DAB1: variants seen among roughly 807,000 people sequenced by gnomAD.
DAB1 encodes disabled homolog 1.
A neutral mutation model predicts 64.6 loss-of-function variants in DAB1; 15 were observed. The ratio of observed to expected loss-of-function variants is 0.23; its 90% CI spans 0.16 to 0.36. The LOEUF is 0.36. Ranked by LOEUF, DAB1 falls within the 10% of genes least tolerant of loss-of-function variation. The pLI, the probability that DAB1 is intolerant of heterozygous loss-of-function variation, is 1.00. For missense variants in DAB1, 596 were observed against 706.7 expected, an observed-to-expected ratio of 0.84 and a Z score of 1.78; for synonymous variants, 235 against 251.9, an observed-to-expected ratio of 0.93 and a Z score of 0.64.
intron 5 of DAB1, among the ~76,000 whole-genome samples, chr1:58,126,077 T>C (rs1181718229): frequency 6.6e-6 from 1 of 152,140 alleles, no homozygotes; most frequent in East Asian, 1.9e-4. Context: ...TCTGTCTCTA[T>C]GAAAAAGAGC....
At chr1:57,268,847 A>C (rs1253646527) in intron 2 of DAB1, among the ~76,000 whole-genome samples, 12 of 152,352 alleles carry the variant, frequency 7.9e-5, no homozygotes, top group Admixed American at 7.2e-4. Context: ...TATTCACAGA[A>C]TTTAATGTAA....
chr1:58,025,651 GTATA>G (rs763787466), intron 5 of DAB1, among the ~76,000 whole-genome samples: 2,726 of 75,214 alleles, frequency 0.036, 66 homozygotes, highest in African/African-American at 0.084. Context: ...ATATATGTGT[GTATA>G]TATATATATA....
At chr1:58,199,193 A>G (rs1318269617) in intron 4 of DAB1, among the ~76,000 whole-genome samples, 1 of 152,202 alleles carries the variant, frequency 6.6e-6, no homozygotes, top group African/African-American at 2.4e-5. Context: ...GCAGCCTCAA[A>G]AACAGGTGAG....
chr1:58,031,961 T>G (rs1243172216), intron 5 of DAB1, among the ~76,000 whole-genome samples: 1 of 151,508 alleles, frequency 6.6e-6, no homozygotes, highest in African/African-American at 2.4e-5. Flanking sequence ...TTGCTCCATT[T>G]TATCACAGCT....
At chr1:57,327,551 C>T (rs1409168438) in intron 1 of DAB1, among the ~76,000 whole-genome samples, 1 of 152,056 alleles carries the variant, frequency 6.6e-6, no homozygotes, top group African/African-American at 2.4e-5. Flanking sequence ...ACCAATCACC[C>T]CAAAATGGTT....
intron 3 of DAB1, among the ~76,000 whole-genome samples, chr1:58,348,050 G>T (rs1644018182): frequency 6.6e-6 from 1 of 152,136 alleles, no homozygotes; most frequent in Non-Finnish European, 1.5e-5. Flanking sequence ...TCTGGAAGAG[G>T]TAGTGGCTTC....
intron 7 of DAB1, among the ~76,000 whole-genome samples, chr1:57,587,848 C>T (rs184563310): frequency 6.6e-6 from 1 of 152,312 alleles, no homozygotes. Flanking sequence ...TAGGAGTTGG[C>T]TCATGCTGTG....
chr1:57,990,386 A>G (rs1249008561), intron 5 of DAB1, among the ~76,000 whole-genome samples: 1 of 152,184 alleles, frequency 6.6e-6, no homozygotes, highest in East Asian at 1.9e-4. Context: ...ACAAAGCCCA[A>G]CTTGATTTAA....
At chr1:58,275,129 T>TA (rs1399802201) in intron 4 of DAB1, among the ~76,000 whole-genome samples, 2 of 152,152 alleles carry the variant, frequency 1.3e-5, no homozygotes, top group African/African-American at 4.8e-5. Flanking sequence ...GATGTCCACA[T>TA]ATAAAAAAAT....
At chr1:58,447,308 T>C (rs1277790723) in intron 3 of DAB1, among the ~76,000 whole-genome samples, 2 of 152,200 alleles carry the variant, frequency 1.3e-5, no homozygotes, top group African/African-American at 4.8e-5. Context: ...TTTAAAGTTG[T>C]TTTGAAACAC....
At chr1:57,384,154 C>T (rs1392307405) in intron 1 of DAB1, among the ~76,000 whole-genome samples, 1 of 152,108 alleles carries the variant, frequency 6.6e-6, no homozygotes, top group African/African-American at 2.4e-5. Context: ...CCCAACATCA[C>T]CAATCATTAG....
intron 7 of DAB1, among the ~76,000 whole-genome samples, chr1:57,531,839 C>A (rs1167318170): frequency 1.3e-5 from 2 of 152,048 alleles, no homozygotes; most frequent in South Asian, 4.1e-4. Flanking sequence ...ATGCTACCAA[C>A]AAGGATGTCA....
chr1:58,084,265 T>C (rs1650169548), intron 5 of DAB1, among the ~76,000 whole-genome samples: 1 of 152,040 alleles, frequency 6.6e-6, no homozygotes, highest in Admixed American at 6.5e-5. Flanking sequence ...AGTCTTATTA[T>C]TGTTGTTATT....
intron 5 of DAB1, among the ~76,000 whole-genome samples, chr1:57,909,280 A>T (rs1402358753): frequency 6.6e-6 from 1 of 152,154 alleles, no homozygotes; most frequent in Non-Finnish European, 1.5e-5. Flanking sequence ...CATTTTAATG[A>T]TCTTTAAGGT....
chr1:57,978,547 A>G (rs548626732), intron 5 of DAB1, among the ~76,000 whole-genome samples: 2 of 152,238 alleles, frequency 1.3e-5, no homozygotes, highest in Non-Finnish European at 2.9e-5. Context: ...AATGGCAACA[A>G]AAGCCAAAAT....
intron 14 of DAB1, among the ~76,000 whole-genome samples, chr1:57,006,011 G>T (rs1395954199): frequency 6.6e-6 from 1 of 152,140 alleles, no homozygotes; most frequent in African/African-American, 2.4e-5. Context: ...GCCTGTGTTT[G>T]TAAATAAAGT....
chr1:58,361,922 T>A (rs1229167432), intron 3 of DAB1, among the ~76,000 whole-genome samples: 1 of 125,652 alleles, frequency 8.0e-6, no homozygotes, highest in African/African-American at 3.0e-5. Context: ...CAGGCTGGAG[T>A]GCAGCAGTGT....
At chr1:58,185,334 C>G (rs1387293724) in intron 4 of DAB1, among the ~76,000 whole-genome samples, 1 of 152,130 alleles carries the variant, frequency 6.6e-6, no homozygotes, top group African/African-American at 2.4e-5. Flanking sequence ...GAAACATACA[C>G]AAATGGGACC....
At chr1:57,948,553 A>G (rs901827358) in intron 5 of DAB1, among the ~76,000 whole-genome samples, 4 of 152,274 alleles carry the variant, frequency 2.6e-5, no homozygotes, top group East Asian at 3.9e-4. Context: ...ATGCGTTTTG[A>G]GTCTAGTCGA....
Sources: allele counts gnomAD v4.1 joint callset (sites outside exome capture counted in the v4.1 genomes callset), GRCh38; gene constraint gnomAD v4.1.1; transcripts MANE v1.5; gene names NCBI Gene and HGNC (gene_info 2026-07-23, HGNC 2026-07-21).